Variants in SLC25A21 observed in about 807,000 individuals in gnomAD.
SLC25A21 encodes mitochondrial 2-oxodicarboxylate carrier.
A neutral mutation model predicts 43.8 loss-of-function variants in SLC25A21; 47 were observed. That is an observed-to-expected ratio of 1.07 (90% CI 0.85 to 1.37). SLC25A21 has a LOEUF of 1.37. Among genes scored for constraint, SLC25A21 ranks in the 40% most tolerant of loss-of-function variants. The pLI is 0.00. For missense variants in SLC25A21, 352 were observed against 350.2 expected, an observed-to-expected ratio of 1.00 and a Z score of -0.04; for synonymous variants, 131 against 121.3, an observed-to-expected ratio of 1.08 and a Z score of -0.52.
chr14:37,104,033 G>A (rs897929028), intron 1 of SLC25A21, among the ~76,000 whole-genome samples: 8 of 152,164 alleles, frequency 5.3e-5, no homozygotes, highest in Non-Finnish European at 1.2e-4. Context: ...ACTGCAGTCA[G>A]GGGAGGCCAT....
At chr14:36,869,369 A>C (rs1890302245) in intron 2 of SLC25A21, among the ~76,000 whole-genome samples, 1 of 151,818 alleles carries the variant, frequency 6.6e-6, no homozygotes, top group African/African-American at 2.4e-5. Flanking sequence ...AGGGTGGAGC[A>C]GGAAGTAACA....
chr14:37,134,432 A>G (rs1256672751), intron 1 of SLC25A21, among the ~76,000 whole-genome samples: 1 of 152,176 alleles, frequency 6.6e-6, no homozygotes, highest in African/African-American at 2.4e-5. Flanking sequence ...GACACTCAGT[A>G]CTTTTTCCAC....
intron 1 of SLC25A21, among the ~76,000 whole-genome samples, chr14:37,058,836 G>T (rs1961885504): frequency 1.3e-5 from 2 of 152,096 alleles, no homozygotes. Context: ...CACCATGGTT[G>T]GTCTGCTACT....
At chr14:37,067,064 C>T (rs1394271268) in intron 1 of SLC25A21, among the ~76,000 whole-genome samples, 1 of 152,012 alleles carries the variant, frequency 6.6e-6, no homozygotes, top group Non-Finnish European at 1.5e-5. Context: ...AGAGATTAGG[C>T]TTAATGGGCT....
intron 1 of SLC25A21, among the ~76,000 whole-genome samples, chr14:36,924,904 T>A (rs1024998573): frequency 6.6e-6 from 1 of 152,100 alleles, no homozygotes; most frequent in Non-Finnish European, 1.5e-5. Context: ...GACTTGAGCA[T>A]CTGCAGACTT....
chr14:37,165,715 G>C (rs1390709347), intron 1 of SLC25A21, among the ~76,000 whole-genome samples: 1 of 152,130 alleles, frequency 6.6e-6, no homozygotes, highest in Non-Finnish European at 1.5e-5. Context: ...ACAGACCCTG[G>C]GAGGTTCTGA....
At chr14:36,748,021 A>C (rs1269413264) in intron 3 of SLC25A21, among the ~76,000 whole-genome samples, 3 of 152,234 alleles carry the variant, frequency 2.0e-5, no homozygotes, top group African/African-American at 7.2e-5. Flanking sequence ...TATCCCATTC[A>C]ATTTTTTACA....
chr14:37,044,581 T>C (rs1260349281), intron 1 of SLC25A21, among the ~76,000 whole-genome samples: 3 of 152,306 alleles, frequency 2.0e-5, no homozygotes, highest in East Asian at 3.9e-4. Context: ...GCCCCTCCTA[T>C]AGGAACACTG....
intron 1 of SLC25A21, among the ~76,000 whole-genome samples, chr14:36,901,462 A>G (rs1258078676): frequency 6.6e-6 from 1 of 152,198 alleles, no homozygotes; most frequent in Non-Finnish European, 1.5e-5. Context: ...GATAAGATGT[A>G]CTTTTAAAGC....
At chr14:37,139,446 A>G (rs1322803341) in intron 1 of SLC25A21, among the ~76,000 whole-genome samples, 1 of 152,120 alleles carries the variant, frequency 6.6e-6, no homozygotes, top group African/African-American at 2.4e-5. Flanking sequence ...CAATGCTTAT[A>G]TTTCAACTTT....
intron 1 of SLC25A21, among the ~76,000 whole-genome samples, chr14:37,066,668 A>G (rs1323128058): frequency 1.3e-5 from 2 of 152,190 alleles, no homozygotes; most frequent in Admixed American, 6.5e-5. Flanking sequence ...AAAAAAGTAC[A>G]CATATAAATA....
At chr14:36,856,142 G>A (rs1411885711) in intron 2 of SLC25A21, among the ~76,000 whole-genome samples, 4 of 152,112 alleles carry the variant, frequency 2.6e-5, no homozygotes, top group East Asian at 1.9e-4. Flanking sequence ...AAGCAGGGTG[G>A]GGAAGTCGGC....
intron 3 of SLC25A21, among the ~76,000 whole-genome samples, chr14:36,799,292 T>A (rs1887783608): frequency 6.6e-6 from 1 of 152,080 alleles, no homozygotes; most frequent in African/African-American, 2.4e-5. Context: ...GAGAATGAGA[T>A]CCACAAACAT....
chr14:36,787,249 C>T (rs1594587242), intron 3 of SLC25A21, among the ~76,000 whole-genome samples: 1 of 152,270 alleles, frequency 6.6e-6, no homozygotes, highest in Admixed American at 6.5e-5. Context: ...GAAATATACT[C>T]TACTCAGAAT....
chr14:37,083,295 C>T (rs1034866092), intron 1 of SLC25A21, among the ~76,000 whole-genome samples: 2 of 152,168 alleles, frequency 1.3e-5, no homozygotes, highest in African/African-American at 4.8e-5. Context: ...TATTGATACA[C>T]TATTCTAGGG....
At chr14:37,105,911 A>C (rs1234441569) in intron 1 of SLC25A21, among the ~76,000 whole-genome samples, 2 of 152,204 alleles carry the variant, frequency 1.3e-5, no homozygotes, top group Admixed American at 1.3e-4. Context: ...TGCTGCAGGA[A>C]GTCAGGGACC....
chr14:36,827,654 T>C (rs112500915), intron 2 of SLC25A21, among the ~76,000 whole-genome samples: 71 of 152,324 alleles, frequency 4.7e-4, no homozygotes, highest in African/African-American at 1.2e-3. Context: ...CTTTCTACAA[T>C]GAAGATTGGT....
intron 3 of SLC25A21, among the ~76,000 whole-genome samples, chr14:36,810,959 G>GC (rs372722120): frequency 6.8e-5 from 10 of 146,602 alleles, no homozygotes; most frequent in African/African-American, 1.7e-4. Flanking sequence ...AGAGAAAAGA[G>GC]GGTCAGGGAG....
chr14:36,749,345 T>C (rs1458029009), intron 3 of SLC25A21, among the ~76,000 whole-genome samples: 2 of 152,198 alleles, frequency 1.3e-5, no homozygotes, highest in Non-Finnish European at 2.9e-5. Context: ...GCCAGAATCT[T>C]TGAAATCATG....
Sources: allele counts gnomAD v4.1 joint callset (sites outside exome capture counted in the v4.1 genomes callset), GRCh38; gene constraint gnomAD v4.1.1; transcripts MANE v1.5; gene names NCBI Gene and HGNC (gene_info 2026-07-23, HGNC 2026-07-21).